KIF1B: variants seen among roughly 807,000 people sequenced by gnomAD.
KIF1B encodes kinesin family member 1B.
KIF1B carries 76 observed loss-of-function variants against 241.9 expected under a neutral mutation model. The ratio of observed to expected loss-of-function variants is 0.31; its 90% CI spans 0.26 to 0.38. The LOEUF is 0.38. KIF1B is among the 10% of genes least tolerant of loss of function. The probability of loss-of-function intolerance (pLI) is 1.00; values close to 1 mark genes in which losing one functional copy is unlikely to be tolerated. For missense variants in KIF1B, 1,622 were observed against 2,271.4 expected (o/e 0.71, Z 5.81); for synonymous variants, 750 against 796.7 (o/e 0.94, Z 0.99).
chr1:10,259,965 A>G (rs1648034372), intron 4 of KIF1B, among the ~76,000 whole-genome samples: 1 of 152,124 alleles, frequency 6.6e-6, no homozygotes, highest in East Asian at 1.9e-4. Context: ...CTTAAGAAAA[A>G]AAAAAGATTA....
rs374643194 is a variant in KIF1B, at chr1:10,304,147, C to T, written c.2115+6901C>T. The T allele has an allele frequency of 5.6e-5, 91 of 1,613,864 alleles. No individual in the cohort carries two copies. The highest frequency in any genetic ancestry group is 7.5e-5 in the Non-Finnish European group (88 of 1,180,010). ...CATAACAGAAGATGAGGTTATAGAG[C>T]TTAGGATTCCAAAAGACGATGAAGC... is the stretch of plus-strand genomic sequence containing the variant. On this transcript the variant is annotated intron_variant, in intron 22 of 48. Coordinates refer to ENST00000676179, the MANE Select transcript of KIF1B (RefSeq NM_001365951.3).
chr1:10,230,434 T>C (rs1646965470), intron 1 of KIF1B, among the ~76,000 whole-genome samples: 2 of 142,734 alleles, frequency 1.4e-5, no homozygotes, highest in South Asian at 2.2e-4. Flanking sequence ...GTTGTTTTTT[T>C]TTTCTTTCTT....
intron 2 of KIF1B, among the ~76,000 whole-genome samples, chr1:10,249,585 G>A (rs768523607): frequency 3.9e-5 from 6 of 152,186 alleles, no homozygotes; most frequent in Non-Finnish European, 5.9e-5. Context: ...GGACTTGAAT[G>A]TCGTACTTTG....
chr1:10,346,929 C>G (rs906662387), intron 35 of KIF1B, among the ~76,000 whole-genome samples: 1 of 152,198 alleles, frequency 6.6e-6, no homozygotes, highest in Non-Finnish European at 1.5e-5. Flanking sequence ...CAGCTCCACT[C>G]TATTTGTGAC....
chr1:10,266,720 A>G (rs532967811), intron 5 of KIF1B, among the ~76,000 whole-genome samples: 1 of 152,224 alleles, frequency 6.6e-6, no homozygotes, highest in African/African-American at 2.4e-5. Flanking sequence ...GTTACTGACA[A>G]CAGTATACAT....
chr1:10,283,993 CT>C (rs1649562569), intron 15 of KIF1B, among the ~76,000 whole-genome samples: 1 of 152,320 alleles, frequency 6.6e-6, no homozygotes, highest in East Asian at 1.9e-4. Flanking sequence ...TCATGTGAGG[CT>C]GAAAAAGATT....
intron 27 of KIF1B, among the ~76,000 whole-genome samples, chr1:10,333,462 C>T (rs555936110): frequency 6.6e-4 from 100 of 152,158 alleles, no homozygotes; most frequent in Non-Finnish European, 1.1e-3. Flanking sequence ...AAGGCTGTTG[C>T]GGGCGGATCA....
chr1:10,343,207 G>T lies in KIF1B; in HGVS notation c.3633-25G>T, dbSNP rs373948353. ...AAAATAAATAACTCTTTATAGTCTT[G>T]ATCTTTGTCTTCCTTTCTTTGCAGT... On this transcript the variant is annotated intron_variant, in intron 33 of 48. Transcript: ENST00000676179. 12 of 1,613,292 alleles carry T rather than the reference G, an allele frequency of 7.4e-6. No individual in the cohort carries two copies. In the African/African-American group the frequency reaches 1.6e-4, roughly 22 times the overall value.
chr1:10,303,788 G>T lies in KIF1B; in HGVS notation c.2115+6542G>T, dbSNP rs778879234. On this transcript the variant is annotated intron_variant, in intron 22 of 48. Coordinates refer to ENST00000676179, the MANE Select transcript of KIF1B (RefSeq NM_001365951.3). This position sits in a 1 kb window ranked among gnomAD's most constrained non-coding sequence, Gnocchi z 5.2. ...CTGATCGGATCTCAGGAACAGAAAA[G>T]CCCAGGAAGCCACAAAGCAAAGGAG... 6.2e-7 allele frequency: 1 copy of T among 1,614,206 alleles called. No individual in the cohort carries two copies. The highest frequency in any genetic ancestry group is 1.3e-5 in the African/African-American group (1 of 75,058).
At chr1:10,301,656 T>C (rs1019703304) in intron 22 of KIF1B, among the ~76,000 whole-genome samples, 2 of 151,250 alleles carry the variant, frequency 1.3e-5, no homozygotes, top group African/African-American at 4.9e-5. Flanking sequence ...CAAGATTCTG[T>C]CTCAAAAAAA....
chr1:10,375,066 G>C lies in KIF1B; in HGVS notation c.5289+20G>C. The C allele has an allele frequency of 6.2e-7, 1 of 1,613,020 alleles. No homozygotes were observed. On this transcript the variant is annotated intron_variant, in intron 47 of 48. Coordinates refer to ENST00000676179, the MANE Select transcript of KIF1B (RefSeq NM_001365951.3). ...GTGAAGGTCCGTCCTGCCCTGCCTTGGTTTCTTATTGCCACGTGTGCCCTT... is the reference window on the plus strand; with the variant it reads ...GTGAAGGTCCGTCCTGCCCTGCCTTCGTTTCTTATTGCCACGTGTGCCCTT...
At position 10,380,090 on chromosome 1, in the gene KIF1B, A is replaced by G. The variant is rs1003208860; in HGVS notation, c.*3503A>G. 4.4e-6 allele frequency: 1 copy of G among 228,060 alleles called. No individual in the cohort carries two copies. The highest frequency in any genetic ancestry group is 2.2e-5 in the African/African-American group (1 of 45,018). 14.1% of individuals were successfully genotyped at this position (228,060 alleles called of 1,614,324 possible). On this transcript the variant is annotated 3_prime_UTR_variant, in exon 49 of 49. Transcript: ENST00000676179. ...AGATGAAGGAACTAAGTCATTGTGA[A>G]CTGTCTCTTGAGATCTAAAAACAAG...
Position 10,337,373 on chromosome 1 carries a change from T to G in KIF1B, c.3262T>G (p.Leu1088Val), listed in dbSNP as rs1001609597. ...TGTCTTCATTTGACCCTCTTTAGAT[T>G]TGAAGTCAAGCACTTTGCTGGATGG... Reference protein sequence around the residue: ...EEISRINDLDLKSSTLLDGKM... With the variant: ...EEISRINDLDVKSSTLLDGKM... Residue 1088 changes from leucine to valine, a missense_variant and splice_region_variant, in exon 31 of 49, where the codon TTG (leucine) becomes GTG (valine). Leu to Val is a conservative substitution (Grantham distance 32). Transcript: ENST00000676179. The surrounding 1 kb of genome is among the most constrained non-coding windows in gnomAD (Gnocchi z 4.0). 23 of 1,614,130 alleles carry G rather than the reference T, an allele frequency of 1.4e-5. No individual in the cohort carries two copies. Among genetic ancestry groups the G allele is most frequent in the Non-Finnish European group, 1.9e-5 (23 of 1,180,056 alleles).
intron 22 of KIF1B, among the ~76,000 whole-genome samples, chr1:10,309,248 G>A (rs1193507004): frequency 6.6e-6 from 1 of 152,220 alleles, no homozygotes; most frequent in Non-Finnish European, 1.5e-5. Flanking sequence ...AAACTTTAGA[G>A]AAGTGTTATG....
intron 22 of KIF1B, among the ~76,000 whole-genome samples, chr1:10,309,252 T>C (rs1258209104): frequency 1.3e-5 from 2 of 152,196 alleles, no homozygotes; most frequent in African/African-American, 4.8e-5. Context: ...TTTAGAGAAG[T>C]GTTATGCCTG....
chr1:10,320,748 CAG>C (rs1441885944), intron 23 of KIF1B, among the ~76,000 whole-genome samples: 2 of 144,530 alleles, frequency 1.4e-5, no homozygotes, highest in East Asian at 4.0e-4. Context: ...ATTTTTGAGA[CAG>C]AGTTTTGCTC....
intron 9 of KIF1B, 36 bp from the exon 10 acceptor site, chr1:10,272,978 G>A (rs984907735): frequency 4.6e-6 from 7 of 1,529,076 alleles, no homozygotes; most frequent in Non-Finnish European, 6.2e-6. Flanking sequence ...CTTATCCTGT[G>A]TTCTTATTTT....
intron 5 of KIF1B, among the ~76,000 whole-genome samples, chr1:10,265,028 G>A (rs1216271323): frequency 6.6e-6 from 1 of 151,580 alleles, no homozygotes; most frequent in Non-Finnish European, 1.5e-5. Flanking sequence ...GAGTGCAGTG[G>A]TGCAAACAGG....
At chr1:10,230,116 A>G (rs1646961586) in intron 1 of KIF1B, among the ~76,000 whole-genome samples, 1 of 152,092 alleles carries the variant, frequency 6.6e-6, no homozygotes, top group Admixed American at 6.5e-5. Flanking sequence ...TCAAGGTTAC[A>G]GTGAGCTATG....
Sources: allele counts gnomAD v4.1 joint callset (sites outside exome capture counted in the v4.1 genomes callset), GRCh38; gene constraint gnomAD v4.1.1; non-coding constraint Gnocchi (gnomAD v3.1); transcripts MANE v1.5; gene names NCBI Gene and HGNC (gene_info 2026-07-23, HGNC 2026-07-21).